GAP43: variants seen among roughly 807,000 people sequenced by gnomAD.
The protein encoded by GAP43 is growth associated protein 43.
A neutral mutation model predicts 18.6 loss-of-function variants in GAP43; 6 were observed. The observed-to-expected ratio is 0.32, with a 90% CI of 0.18 to 0.64. The LOEUF (loss-of-function observed/expected upper bound fraction) is 0.64. Among genes scored for constraint, GAP43 ranks in the 30% least tolerant of loss-of-function variants. GAP43 has a pLI of 0.78. For synonymous variants in GAP43, 115 were observed against 111.4 expected, an observed-to-expected ratio of 1.03 and a Z score of -0.20; for missense variants, 292 against 295.5, an observed-to-expected ratio of 0.99 and a Z score of 0.09.
chr3:115,707,124 T>C (rs561641619), intron 2 of GAP43, among the ~76,000 whole-genome samples: 1 of 152,198 alleles, frequency 6.6e-6, no homozygotes, highest in Non-Finnish European at 1.5e-5. Context: ...CCAACACTTA[T>C]AAGCGCTTAC....
intron 2 of GAP43, among the ~76,000 whole-genome samples, chr3:115,691,478 A>G (rs1709109228): frequency 6.6e-6 from 1 of 152,226 alleles, no homozygotes; most frequent in Non-Finnish European, 1.5e-5. Context: ...TCGGTATTAA[A>G]TAGATCATGT....
chr3:115,667,780 C>A (rs1708752868), intron 1 of GAP43, among the ~76,000 whole-genome samples: 1 of 152,146 alleles, frequency 6.6e-6, no homozygotes, highest in South Asian at 2.1e-4. Context: ...TCCTGCAGCT[C>A]TTCTTCTGTC....
chr3:115,632,570 A>G (rs1163445356), intron 1 of GAP43, among the ~76,000 whole-genome samples: 1 of 152,190 alleles, frequency 6.6e-6, no homozygotes, highest in Admixed American at 6.6e-5. Flanking sequence ...AGATTCTCCT[A>G]TAAGCACAGA....
At position 115,676,417 on chromosome 3, in the gene GAP43, A is replaced by G. The variant is rs1387930714; in HGVS notation, c.435A>G (p.Lys145=). ...CAGCTGAGACAGAAAGTGCCACTAA[A>G]GCTTCCACTGATAACTCGCCGTCCT... The part of the protein sequence containing the change: ...AGSAETESAT[K]ASTDNSPSSK... The change falls in exon 2 of 3, where the codon AAA becomes AAG. Residue 145 remains lysine (K), a synonymous_variant. Coordinates refer to ENST00000305124, the MANE Select transcript of GAP43 (RefSeq NM_002045.4). 1.2e-6 allele frequency: 2 copies of G among 1,613,872 alleles called. No individual in the cohort carries two copies. The highest frequency in any genetic ancestry group is 1.7e-6 in the Non-Finnish European group (2 of 1,179,926).
intron 1 of GAP43, among the ~76,000 whole-genome samples, chr3:115,640,121 G>A (rs1457400407): frequency 6.6e-6 from 1 of 152,022 alleles, no homozygotes; most frequent in Non-Finnish European, 1.5e-5. Context: ...GGTTGGGATA[G>A]TGTTCACTCA....
At chr3:115,717,370 C>T (rs940123293) in intron 2 of GAP43, among the ~76,000 whole-genome samples, 1 of 150,370 alleles carries the variant, frequency 6.7e-6, no homozygotes, top group East Asian at 2.0e-4. Flanking sequence ...AGTGCAATGG[C>T]AGGATCTCTG....
chr3:115,708,789 G>C (rs1434551051), intron 2 of GAP43, among the ~76,000 whole-genome samples: 1 of 152,112 alleles, frequency 6.6e-6, no homozygotes, highest in Non-Finnish European at 1.5e-5. Flanking sequence ...TGGGGGATGG[G>C]AGCATGGACC....
chr3:115,672,812 A>G (rs187310404), intron 1 of GAP43, among the ~76,000 whole-genome samples: 2 of 138,984 alleles, frequency 1.4e-5, no homozygotes, highest in African/African-American at 2.7e-5. Flanking sequence ...CTTTACTGCT[A>G]TCTGGAAAAA....
intron 2 of GAP43, among the ~76,000 whole-genome samples, chr3:115,702,110 C>G (rs1460173071): frequency 6.6e-6 from 1 of 151,630 alleles, no homozygotes; most frequent in Non-Finnish European, 1.5e-5. Context: ...AGGATTGGAG[C>G]CAGGAATGGA....
At chr3:115,634,169 A>T (rs1708299498) in intron 1 of GAP43, among the ~76,000 whole-genome samples, 1 of 152,134 alleles carries the variant, frequency 6.6e-6, no homozygotes, top group African/African-American at 2.4e-5. Context: ...GAGGCAAAGA[A>T]AAAAAATAAA....
At chr3:115,692,620 G>C (rs765412790) in intron 2 of GAP43, among the ~76,000 whole-genome samples, 1 of 152,200 alleles carries the variant, frequency 6.6e-6, no homozygotes, top group Admixed American at 6.5e-5. Context: ...TGAAGCATTG[G>C]TGAGGATACC....
intron 1 of GAP43, among the ~76,000 whole-genome samples, chr3:115,665,644 C>G (rs1383461843): frequency 1.3e-5 from 2 of 152,162 alleles, no homozygotes; most frequent in Non-Finnish European, 1.5e-5. Context: ...AATTCCTTCT[C>G]CCACCAACTA....
At chr3:115,710,307 A>C (rs952397987) in intron 2 of GAP43, among the ~76,000 whole-genome samples, 3 of 151,586 alleles carry the variant, frequency 2.0e-5, no homozygotes, top group African/African-American at 7.3e-5. Flanking sequence ...CCTAGTTTTT[A>C]CTGTGAAAAT....
chr3:115,716,067 G>A (rs971874944), intron 2 of GAP43, among the ~76,000 whole-genome samples: 3 of 152,162 alleles, frequency 2.0e-5, no homozygotes, highest in Admixed American at 6.5e-5. Flanking sequence ...GTAAGAGCTC[G>A]AAAATGTTAA....
intron 2 of GAP43, among the ~76,000 whole-genome samples, chr3:115,719,243 G>T (rs1198864158): frequency 6.7e-6 from 1 of 149,882 alleles, no homozygotes; most frequent in Middle Eastern, 3.2e-3. Context: ...TTAAGACAGA[G>T]GCATCGTCAA....
rs1432043022 is a variant in GAP43 at position 115,675,998 on chromosome 3, C to G, written c.31-15C>G. The G allele has an allele frequency of 1.9e-6, 3 of 1,582,090 alleles. No individual in the cohort carries two copies. The highest frequency in any genetic ancestry group is 2.6e-6 in the Non-Finnish European group (3 of 1,166,998). ...TCATTGAAGCCCTCTCTTTTCCCTT[C>G]TTTTCTCGACAAAGGTTGAAAAAAA... On this transcript the variant is annotated splice_polypyrimidine_tract_variant and intron_variant, in intron 1 of 2. Coordinates refer to ENST00000305124, the MANE Select transcript of GAP43 (RefSeq NM_002045.4).
intron 2 of GAP43, among the ~76,000 whole-genome samples, chr3:115,694,758 G>A (rs1220967734): frequency 6.6e-6 from 1 of 152,182 alleles, no homozygotes; most frequent in Non-Finnish European, 1.5e-5. Flanking sequence ...AAAAGGAACA[G>A]CACATTTACA....
chr3:115,659,795 C>T (rs1323035233), intron 1 of GAP43, among the ~76,000 whole-genome samples: 2 of 152,074 alleles, frequency 1.3e-5, no homozygotes, highest in African/African-American at 4.8e-5. Flanking sequence ...GGGTTAGAAC[C>T]TTCCCTCTCT....
rs767565647 is a variant in GAP43, at chr3:115,679,015, C to T, written c.628+2405C>T. On this transcript the variant is annotated intron_variant, in intron 2 of 2. Transcript: ENST00000305124. ...TCACATCATATCAGGTCCAAATTCC[C>T]AGGTGCCCTGTACTGCATTTCCTCT... Among the ~76,000 whole-genome samples, 133 of 151,898 alleles carry T rather than the reference C, an allele frequency of 8.8e-4. 1 individual carries two copies. The highest frequency in any genetic ancestry group is 1.1e-3 in the Non-Finnish European group (75 of 67,972).
Sources: allele counts gnomAD v4.1 joint callset (sites outside exome capture counted in the v4.1 genomes callset), GRCh38; gene constraint gnomAD v4.1.1; transcripts MANE v1.5; gene names NCBI Gene and HGNC (gene_info 2026-07-23, HGNC 2026-07-21).